The following FKTN variants were observed in gnomAD, a reference collection of about 807,000 sequenced individuals.
FKTN encodes the protein fukutin, also known as ribitol-5-phosphate transferase FKTN.
A neutral mutation model predicts 58.6 loss-of-function variants in FKTN; 47 were observed. The observed-to-expected ratio is 0.80, with a 90% CI of 0.63 to 1.02. FKTN has a LOEUF of 1.02. Among genes scored for constraint, FKTN ranks in the 50% least tolerant of loss-of-function variants. The pLI, the probability that FKTN is intolerant of heterozygous loss-of-function variation, is 0.00. For synonymous variants in FKTN, 178 were observed against 191.9 expected, an observed-to-expected ratio of 0.93 and a Z score of 0.60; for missense variants, 516 against 537.3, an observed-to-expected ratio of 0.96 and a Z score of 0.39.
chr9:105,611,721 T>C (rs971086938), intron 7 of FKTN, among the ~76,000 whole-genome samples: 2 of 152,198 alleles, frequency 1.3e-5, no homozygotes, highest in Non-Finnish European at 2.9e-5. Flanking sequence ...GTATATATAC[T>C]ACATTTTATT....
At chr9:105,623,377 C>T (rs925558013) in intron 10 of FKTN, among the ~76,000 whole-genome samples, 5 of 152,144 alleles carry the variant, frequency 3.3e-5, no homozygotes, top group African/African-American at 1.2e-4. Flanking sequence ...TTAAGGCAGA[C>T]CTGAGTCAGA....
intron 1 of FKTN, among the ~76,000 whole-genome samples, chr9:105,561,358 C>T (rs1036866113): frequency 3.9e-5 from 6 of 152,142 alleles, no homozygotes; most frequent in African/African-American, 1.4e-4. Context: ...GAATATTTGT[C>T]ATTTCATTTA....
At chr9:105,560,540 A>G (rs1344535728) in intron 1 of FKTN, among the ~76,000 whole-genome samples, 2 of 152,210 alleles carry the variant, frequency 1.3e-5, no homozygotes, top group Non-Finnish European at 2.9e-5. Context: ...GGAACAATAT[A>G]GAAAAGTGTA....
chr9:105,596,644 A>C lies in FKTN; in HGVS notation c.152A>C (p.Asp51Ala). Residue 51 changes from aspartate (D) to alanine (A), a missense_variant, in exon 4 of 11, where the codon GAT becomes GCT. Physicochemically the swap from Asp to Ala is moderately radical, Grantham distance 126 (BLOSUM62 -2). Transcript: ENST00000357998. ...TCCAAAGGAAGCCGAATTGGATTTGATAGCACACAGTGGGTATGTAGAATA... is the reference window on the plus strand; with the variant it reads ...TCCAAAGGAAGCCGAATTGGATTTGCTAGCACACAGTGGGTATGTAGAATA... ...SKSKGSRIGF[D>A]STQWRAVKKF... 1 of 1,610,086 alleles carries C rather than the reference A, an allele frequency of 6.2e-7. No homozygotes were observed. The highest frequency in any genetic ancestry group is 1.3e-5 in the African/African-American group (1 of 74,958).
chr9:105,569,556 G>A (rs977026368), intron 1 of FKTN, among the ~76,000 whole-genome samples: 8 of 152,122 alleles, frequency 5.3e-5, no homozygotes, highest in African/African-American at 1.9e-4. Context: ...AAGACTGAGA[G>A]GATTGTTAAC....
At chr9:105,584,152 G>T (rs1843500128) in intron 3 of FKTN, among the ~76,000 whole-genome samples, 1 of 152,062 alleles carries the variant, frequency 6.6e-6, no homozygotes, top group African/African-American at 2.4e-5. Flanking sequence ...GGCAATAACA[G>T]TACCACCTCA....
At chr9:105,595,816 C>T (rs1353793711) in intron 3 of FKTN, among the ~76,000 whole-genome samples, 1 of 152,158 alleles carries the variant, frequency 6.6e-6, no homozygotes, top group Non-Finnish European at 1.5e-5. Flanking sequence ...TCTAATCGTT[C>T]TTCAGCATCC....
chr9:105,598,170 G>C (rs1194765793), intron 4 of FKTN: 1 of 466,730 alleles, frequency 2.1e-6, no homozygotes, highest in East Asian at 7.0e-5. Flanking sequence ...TTGAAGAGCA[G>C]CTTACCACAT....
intron 6 of FKTN, among the ~76,000 whole-genome samples, chr9:105,607,009 C>G (rs1279401912): frequency 1.3e-5 from 2 of 151,764 alleles, no homozygotes; most frequent in African/African-American, 4.8e-5. Context: ...AAATGACCTT[C>G]TTTAGGGAGA....
chr9:105,569,387 T>C (rs1840328443), intron 1 of FKTN, among the ~76,000 whole-genome samples: 1 of 152,194 alleles, frequency 6.6e-6, no homozygotes, highest in Non-Finnish European at 1.5e-5. Flanking sequence ...TGTACCTTTT[T>C]TCATCACAGT....
chr9:105,585,834 G>C (rs905223604), intron 3 of FKTN, among the ~76,000 whole-genome samples: 8 of 152,164 alleles, frequency 5.3e-5, no homozygotes, highest in African/African-American at 1.9e-4. Flanking sequence ...TCATAGTCTT[G>C]ATCAGTGTGA....
intron 3 of FKTN, among the ~76,000 whole-genome samples, chr9:105,577,904 C>A (rs1257762266): frequency 6.6e-6 from 1 of 150,988 alleles, no homozygotes; most frequent in African/African-American, 2.5e-5. Flanking sequence ...AAGTTGGATT[C>A]CTAGGTATTT....
At chr9:105,619,043 A>G (rs546508133) in intron 9 of FKTN, among the ~76,000 whole-genome samples, 4 of 150,720 alleles carry the variant, frequency 2.7e-5, no homozygotes, top group African/African-American at 4.9e-5. Flanking sequence ...TGGGCGACAG[A>G]GCAAGACTCC....
At chr9:105,572,511 T>C (rs1214232441) in intron 1 of FKTN, among the ~76,000 whole-genome samples, 1 of 152,140 alleles carries the variant, frequency 6.6e-6, no homozygotes, top group Non-Finnish European at 1.5e-5. Flanking sequence ...AGAATGCTGG[T>C]AGAAAGAGAT....
intron 7 of FKTN, among the ~76,000 whole-genome samples, chr9:105,610,065 T>TTTGGCCAGTAGAAACTCCTTCATAATGC (rs1829625839): frequency 6.6e-6 from 1 of 151,134 alleles, no homozygotes; most frequent in East Asian, 1.9e-4. Flanking sequence ...TTGTTCCATA[T>TTTGGCCAGTAGAAACTCCTTCATAATGC]TTGGCCAGTA....
At chr9:105,602,719 C>A (rs1039541509) in intron 5 of FKTN, among the ~76,000 whole-genome samples, 1 of 152,076 alleles carries the variant, frequency 6.6e-6, no homozygotes, top group Admixed American at 6.5e-5. Context: ...CCACGTGTGA[C>A]TGATTTTTGT....
Position 105,638,167 on chromosome 9 carries a change from C to G in FKTN, c.*2903C>G, listed in dbSNP as rs145079267. On this transcript the variant is annotated 3_prime_UTR_variant, in exon 11 of 11. Coordinates refer to ENST00000357998, the MANE Select transcript of FKTN (RefSeq NM_001079802.2). ...AGCTGAGGCTAAAACCCAAGACTGC[C>G]GTGACTCCTAGTCCAATGTCTGTTT... The G allele has an allele frequency of 2.0e-6, 2 of 985,130 alleles. No individual in the cohort carries two copies. Among genetic ancestry groups the G allele is most frequent in the South Asian group, 4.7e-5 (1 of 21,272 alleles). The allele number at this position is 985,130 out of a possible 1,614,324, so 61.0% of individuals were successfully genotyped here.
At chr9:105,622,805 T>G (rs1051112221) in intron 10 of FKTN, among the ~76,000 whole-genome samples, 1 of 152,192 alleles carries the variant, frequency 6.6e-6, no homozygotes, top group East Asian at 1.9e-4. Context: ...TACTGTATTA[T>G]TATTATTACT....
Position 105,572,255 on chromosome 9 carries a change from A to T in FKTN, c.-180-1400A>T, listed in dbSNP as rs540392856. Among the ~76,000 whole-genome samples the T allele has an allele frequency of 9.2e-3, 1,384 of 149,946 alleles. 23 individuals carry two copies. The highest frequency in any genetic ancestry group is 0.033 in the African/African-American group (1,336 of 40,814). ...GTATATATATATATATATATATTTT[A>T]GTGTTTGCTTTATATAGTCATCAGC... is the stretch of plus-strand genomic sequence containing the variant. On this transcript the variant is annotated intron_variant, in intron 1 of 10. Transcript: ENST00000357998.
Sources: gnomAD v4.1 joint callset for allele counts (sites outside exome capture counted in the v4.1 genomes callset) on GRCh38, gnomAD v4.1.1 for gene constraint, MANE v1.5 for transcripts, NCBI Gene and HGNC (gene_info 2026-07-23, HGNC 2026-07-21) for gene names.